Variants in MGMT observed in about 807,000 individuals in gnomAD.
MGMT encodes the protein O-6-methylguanine-DNA methyltransferase, also known as methylated-DNA--protein-cysteine methyltransferase.
MGMT carries 14 observed loss-of-function variants against 15.9 expected under a neutral mutation model. The observed-to-expected ratio is 0.88, with a 90% CI of 0.58 to 1.37. The LOEUF (loss-of-function observed/expected upper bound fraction) is 1.37, where lower values mean the gene tolerates loss of function less well. Among genes scored for constraint, MGMT ranks in the 40% most tolerant of loss-of-function variants. The probability of loss-of-function intolerance (pLI) is 0.00; values close to 1 mark genes in which losing one functional copy is unlikely to be tolerated. For synonymous variants in MGMT, 130 were observed against 118.2 expected, an observed-to-expected ratio of 1.10 and a Z score of -0.65; for missense variants, 282 against 268.1, an observed-to-expected ratio of 1.05 and a Z score of -0.36.
At chr10:129,689,385 T>A (rs1158176975) in intron 2 of MGMT, among the ~76,000 whole-genome samples, 2 of 152,184 alleles carry the variant, frequency 1.3e-5, no homozygotes, top group Admixed American at 6.5e-5. Flanking sequence ...AGCTCCAGCT[T>A]CTGGTTTGAT....
intron 2 of MGMT, among the ~76,000 whole-genome samples, chr10:129,686,393 G>T (rs1324843254): frequency 6.6e-6 from 1 of 151,664 alleles, no homozygotes; most frequent in Non-Finnish European, 1.5e-5. Flanking sequence ...TTATTTTTTT[G>T]AGACAGAGTC....
At chr10:129,675,369 T>C (rs1352404017) in intron 2 of MGMT, among the ~76,000 whole-genome samples, 1 of 152,132 alleles carries the variant, frequency 6.6e-6, no homozygotes, top group East Asian at 1.9e-4. Flanking sequence ...AGGCAGGGAA[T>C]GACTGGGTTT....
intron 2 of MGMT, among the ~76,000 whole-genome samples, chr10:129,646,196 C>T (rs1847386610): frequency 6.6e-6 from 1 of 152,124 alleles, no homozygotes; most frequent in Admixed American, 6.6e-5. Context: ...AGTCCAGTCC[C>T]CAGGACTCTG....
At chr10:129,468,867 G>A (rs1027205555) in intron 1 of MGMT, among the ~76,000 whole-genome samples, 1 of 152,052 alleles carries the variant, frequency 6.6e-6, no homozygotes, top group African/African-American at 2.4e-5. Flanking sequence ...CCTGGGCGAC[G>A]AGAGTGAAAC....
chr10:129,728,774 G>A (rs984538807), intron 3 of MGMT, among the ~76,000 whole-genome samples: 4 of 150,758 alleles, frequency 2.7e-5, no homozygotes, highest in East Asian at 3.9e-4. Flanking sequence ...GTATTGGTTC[G>A]TCTGCTTGTG....
At chr10:129,476,031 C>T (rs1438913153) in intron 1 of MGMT, among the ~76,000 whole-genome samples, 2 of 152,202 alleles carry the variant, frequency 1.3e-5, no homozygotes, top group Non-Finnish European at 2.9e-5. Flanking sequence ...GTGGGTGGTC[C>T]CTGCCTCCCT....
At chr10:129,530,058 C>T (rs962166836) in intron 1 of MGMT, among the ~76,000 whole-genome samples, 1 of 151,630 alleles carries the variant, frequency 6.6e-6, no homozygotes, top group Non-Finnish European at 1.5e-5. Context: ...ATGCCACCAG[C>T]CTGGCTAATG....
At chr10:129,723,973 A>G (rs1372292958) in intron 3 of MGMT, among the ~76,000 whole-genome samples, 1 of 152,180 alleles carries the variant, frequency 6.6e-6, no homozygotes, top group African/African-American at 2.4e-5. Flanking sequence ...AGCTGCTTAT[A>G]AAACTAAGTG....
chr10:129,512,054 T>C (rs1425662364), intron 1 of MGMT, among the ~76,000 whole-genome samples: 1 of 152,122 alleles, frequency 6.6e-6, no homozygotes, highest in African/African-American at 2.4e-5. Flanking sequence ...GGCAGTGAAT[T>C]CAATTTGCTA....
chr10:129,471,585 G>A (rs1845231876), intron 1 of MGMT, among the ~76,000 whole-genome samples: 1 of 152,048 alleles, frequency 6.6e-6, no homozygotes, highest in Non-Finnish European at 1.5e-5. Context: ...TCTCCGTAAA[G>A]TGGGATCTTC....
intron 3 of MGMT, among the ~76,000 whole-genome samples, chr10:129,746,682 T>TGAG (rs1204817598): frequency 3.9e-5 from 6 of 152,188 alleles, no homozygotes; most frequent in African/African-American, 1.2e-4. Context: ...ATCCAGTAAC[T>TGAG]CCATCAATAC....
chr10:129,605,677 AT>A (rs1846880922), intron 2 of MGMT, among the ~76,000 whole-genome samples: 2 of 152,198 alleles, frequency 1.3e-5, no homozygotes, highest in Non-Finnish European at 2.9e-5. Context: ...TTTCCCTTGA[AT>A]TTGATAAGTT....
intron 3 of MGMT, among the ~76,000 whole-genome samples, chr10:129,757,988 GCTAT>G (rs1202006544): frequency 5.9e-5 from 9 of 152,200 alleles, no homozygotes; most frequent in Non-Finnish European, 1.2e-4. Context: ...GAGCACATTT[GCTAT>G]CTTTTTGCCC....
chr10:129,518,712 A>G (rs1250502772), intron 1 of MGMT, among the ~76,000 whole-genome samples: 1 of 149,090 alleles, frequency 6.7e-6, no homozygotes, highest in African/African-American at 2.5e-5. Context: ...GTAAGAATAC[A>G]GTGTATAATA....
chr10:129,490,383 T>A (rs899344889), intron 1 of MGMT, among the ~76,000 whole-genome samples: 11 of 152,200 alleles, frequency 7.2e-5, no homozygotes, highest in African/African-American at 2.7e-4. Flanking sequence ...TGAACATTAC[T>A]TGGCCACTAA....
intron 3 of MGMT, among the ~76,000 whole-genome samples, chr10:129,721,051 A>G (rs942569057): frequency 6.6e-6 from 1 of 152,278 alleles, no homozygotes; most frequent in African/African-American, 2.4e-5. Context: ...ATCGTTGAGC[A>G]CATTGATGGC....
chr10:129,637,364 C>G (rs72838527), intron 2 of MGMT, among the ~76,000 whole-genome samples: 2,966 of 152,304 alleles, frequency 0.019, 71 homozygotes, highest in Non-Finnish European at 0.03. Flanking sequence ...CTTAGAATTC[C>G]TACATCCAGA....
At chr10:129,653,271 TAAATC>T (rs1309046115) in intron 2 of MGMT, among the ~76,000 whole-genome samples, 1 of 152,272 alleles carries the variant, frequency 6.6e-6, no homozygotes, top group Non-Finnish European at 1.5e-5. Flanking sequence ...ACTAAAAAGT[TAAATC>T]ATATAGGCTT....
At position 129,650,372 on chromosome 10, in the gene MGMT, C is replaced by T. The variant is rs75983166; in HGVS notation, c.126-57523C>T. Among the ~76,000 whole-genome samples, 594 of 152,330 alleles carry T rather than the reference C, an allele frequency of 3.9e-3. 4 individuals are homozygous for T. Among genetic ancestry groups the T allele is most frequent in the Middle Eastern group, 6.8e-3 (2 of 294 alleles). On this transcript the variant is annotated intron_variant, in intron 2 of 4. Coordinates refer to ENST00000651593, the MANE Select transcript of MGMT (RefSeq NM_002412.5). ...TTCGCCAAGCTAGAGGACGCGAGCACATGTGCAGGTCTGTGACCTAAAGCC... is the reference window on the plus strand; with the variant it reads ...TTCGCCAAGCTAGAGGACGCGAGCATATGTGCAGGTCTGTGACCTAAAGCC...
Sources: gnomAD v4.1 joint callset for allele counts (sites outside exome capture counted in the v4.1 genomes callset) on GRCh38, gnomAD v4.1.1 for gene constraint, MANE v1.5 for transcripts, NCBI Gene and HGNC (gene_info 2026-07-23, HGNC 2026-07-21) for gene names.